Variants in NAV2 observed in about 807,000 individuals in gnomAD.
The protein encoded by NAV2 is helicase, APC down-regulated 1.
A neutral mutation model predicts 223.2 loss-of-function variants in NAV2; 54 were observed. The observed-to-expected ratio is 0.24, with a 90% CI of 0.19 to 0.30. The LOEUF (loss-of-function observed/expected upper bound fraction) is 0.30. NAV2 is among the 10% of genes least tolerant of loss of function. NAV2 has a pLI of 1.00. For missense variants in NAV2, 2,806 were observed against 3,147.5 expected (o/e 0.89, Z 2.60); for synonymous variants, 1,279 against 1,239.3 (o/e 1.03, Z -0.67).
chr11:19,618,408 G>GGATGGATGGATGAATGAATA (rs2046872161), intron 1 of NAV2, among the ~76,000 whole-genome samples: 1 of 142,124 alleles, frequency 7.0e-6, no homozygotes, highest in Non-Finnish European at 1.5e-5. Flanking sequence ...ATAGATGGAT[G>GGATGGATGGATGAATGAATA]GATGGATGGA....
At chr11:20,044,309 A>AT (rs1340589193) in intron 13 of NAV2, 37 bp downstream of exon 13, 1 of 1,562,668 alleles carries the variant, frequency 6.4e-7, no homozygotes, top group Non-Finnish European at 8.7e-7. Context: ...TACAGTTGAC[A>AT]TTTTGAAAAC....
intron 1 of NAV2, among the ~76,000 whole-genome samples, chr11:19,566,804 A>T (rs1009716035): frequency 6.6e-6 from 1 of 152,226 alleles, no homozygotes; most frequent in African/African-American, 2.4e-5. Flanking sequence ...ACTAAGGTCT[A>T]GAGGGGCATG....
intron 26 of NAV2, among the ~76,000 whole-genome samples, chr11:20,083,940 A>G (rs2060253538): frequency 6.6e-6 from 1 of 152,224 alleles, no homozygotes; most frequent in Non-Finnish European, 1.5e-5. Context: ...AGACAGCATA[A>G]GTGTCTTAAG....
chr11:19,570,993 TAGC>T (rs1590562607), intron 1 of NAV2, among the ~76,000 whole-genome samples: 1 of 152,210 alleles, frequency 6.6e-6, no homozygotes, highest in Non-Finnish European at 1.5e-5. Context: ...TGAATGTTCA[TAGC>T]AGCAGTGTTC....
intron 1 of NAV2, among the ~76,000 whole-genome samples, chr11:19,619,697 C>G (rs1659249126): frequency 1.3e-5 from 2 of 152,074 alleles, no homozygotes; most frequent in Admixed American, 1.3e-4. Flanking sequence ...AAATGTTCTC[C>G]CATTCTGTAG....
At chr11:19,970,423 C>G (rs2049134725) in intron 10 of NAV2, among the ~76,000 whole-genome samples, 1 of 152,208 alleles carries the variant, frequency 6.6e-6, no homozygotes, top group Admixed American at 6.5e-5. Context: ...TTTGCCTCAG[C>G]CTCCCAAAGT....
At chr11:19,865,564 T>A (rs2062042181) in intron 3 of NAV2, among the ~76,000 whole-genome samples, 1 of 152,080 alleles carries the variant, frequency 6.6e-6, no homozygotes, top group Non-Finnish European at 1.5e-5. Flanking sequence ...TCAGGAGTGA[T>A]TTTTAACCTT....
intron 1 of NAV2, among the ~76,000 whole-genome samples, chr11:19,582,971 A>G (rs1416314610): frequency 1.3e-5 from 2 of 152,178 alleles, no homozygotes; most frequent in African/African-American, 2.4e-5. Flanking sequence ...CTTAGGCAGT[A>G]TGGCCATTTT....
chr11:19,521,168 C>T (rs1229663324), intron 1 of NAV2, among the ~76,000 whole-genome samples: 1 of 152,172 alleles, frequency 6.6e-6, no homozygotes, highest in Non-Finnish European at 1.5e-5. Context: ...AGAACTCTTC[C>T]ACTTGGGTCA....
chr11:19,452,837 A>G (rs1340416412), intron 1 of NAV2, among the ~76,000 whole-genome samples: 1 of 152,208 alleles, frequency 6.6e-6, no homozygotes, highest in Non-Finnish European at 1.5e-5. Context: ...TAATCAAACC[A>G]TTGTAAGTCA....
intron 1 of NAV2, among the ~76,000 whole-genome samples, chr11:19,467,806 C>T (rs750761841): frequency 2.0e-5 from 3 of 152,192 alleles, no homozygotes; most frequent in Non-Finnish European, 2.9e-5. Context: ...TGCAGAAGAT[C>T]TGGCCTGGTC....
intron 1 of NAV2, among the ~76,000 whole-genome samples, chr11:19,618,459 T>C (rs1259255084): frequency 6.7e-6 from 1 of 150,352 alleles, no homozygotes; most frequent in East Asian, 2.0e-4. Flanking sequence ...GATGGATGGA[T>C]GGGTAGCTGA....
At chr11:19,846,304 C>T (rs1036212873) in intron 3 of NAV2, among the ~76,000 whole-genome samples, 7 of 152,156 alleles carry the variant, frequency 4.6e-5, no homozygotes, top group Non-Finnish European at 8.8e-5. Context: ...CTCTTCTAGC[C>T]TCTGGGCAGC....
intron 1 of NAV2, among the ~76,000 whole-genome samples, chr11:19,565,981 A>G (rs1403529435): frequency 6.6e-6 from 1 of 152,180 alleles, no homozygotes; most frequent in African/African-American, 2.4e-5. Flanking sequence ...TCAGCAACCT[A>G]TGGATAGACC....
chr11:20,080,302 C>T, intron 25 of NAV2, 93 bp downstream of exon 25: 1 of 1,247,496 alleles, frequency 8.0e-7, no homozygotes, highest in Non-Finnish European at 1.1e-6. Context: ...AGCCCAGCTA[C>T]TATCTGTGGA....
At chr11:20,013,562 C>T (rs1254774946) in intron 11 of NAV2, among the ~76,000 whole-genome samples, 2 of 151,802 alleles carry the variant, frequency 1.3e-5, no homozygotes, top group African/African-American at 4.8e-5. Flanking sequence ...TCCCTATAAA[C>T]TCAGAAGGGA....
intron 1 of NAV2, among the ~76,000 whole-genome samples, chr11:19,679,999 G>C (rs1341495706): frequency 6.6e-6 from 1 of 152,174 alleles, no homozygotes; most frequent in African/African-American, 2.4e-5. Flanking sequence ...CTGGAGTGAG[G>C]GGCAAAGACA....
At chr11:19,888,714 G>A (rs973695342) in intron 5 of NAV2, among the ~76,000 whole-genome samples, 7 of 151,736 alleles carry the variant, frequency 4.6e-5, no homozygotes, top group South Asian at 2.1e-4. Context: ...TCTGTCCCCC[G>A]AGTCCCAGCA....
intron 1 of NAV2, among the ~76,000 whole-genome samples, chr11:19,585,068 T>C (rs898633482): frequency 1.3e-5 from 2 of 152,214 alleles, no homozygotes; most frequent in African/African-American, 4.8e-5. Flanking sequence ...TGCTCCTATA[T>C]TGGGTGCGTA....
Sources: gnomAD v4.1 joint callset for allele counts (sites outside exome capture counted in the v4.1 genomes callset) on GRCh38, gnomAD v4.1.1 for gene constraint, MANE v1.5 for transcripts, NCBI Gene and HGNC (gene_info 2026-07-23, HGNC 2026-07-21) for gene names.